Variants in RRAS2 observed in about 807,000 individuals in gnomAD.
RRAS2 encodes RAS related 2.
In RRAS2, 7 loss-of-function variants were observed where a neutral mutation model predicts 27.6. That is an observed-to-expected ratio of 0.25 (90% CI 0.14 to 0.48). RRAS2 has a LOEUF of 0.48. RRAS2 is among the 20% of genes least tolerant of loss of function. RRAS2 has a pLI of 0.99. For missense variants in RRAS2, 178 were observed against 256.2 expected, an observed-to-expected ratio of 0.69 and a Z score of 2.08; for synonymous variants, 86 against 90.9, an observed-to-expected ratio of 0.95 and a Z score of 0.31.
At chr11:14,284,665 T>C (rs551168083) in intron 4 of RRAS2, among the ~76,000 whole-genome samples, 2 of 152,324 alleles carry the variant, frequency 1.3e-5, no homozygotes, top group African/African-American at 4.8e-5. Context: ...TTCAAGATTT[T>C]TGAAGCTATT....
At chr11:14,338,273 C>T (rs1554952801) in intron 1 of RRAS2, among the ~76,000 whole-genome samples, 1 of 152,064 alleles carries the variant, frequency 6.6e-6, no homozygotes, top group Non-Finnish European at 1.5e-5. Flanking sequence ...GAAATTAAGG[C>T]TCAGAGTTGC....
chr11:14,325,121 T>C (rs925345575), intron 1 of RRAS2, among the ~76,000 whole-genome samples: 32 of 152,270 alleles, frequency 2.1e-4, no homozygotes, highest in African/African-American at 7.7e-4. Flanking sequence ...ATATAAACAC[T>C]TACTGCATGT....
intron 2 of RRAS2, 58 bp downstream of exon 2, chr11:14,295,710 C>T (rs111309895): frequency 6.0e-5 from 77 of 1,290,496 alleles, no homozygotes; most frequent in African/African-American, 3.1e-4. Flanking sequence ...AAAACATCAG[C>T]GCTTACTTTT....
At chr11:14,336,229 TAACAAGGC>T (rs1848587309) in intron 1 of RRAS2, among the ~76,000 whole-genome samples, 6 of 152,212 alleles carry the variant, frequency 3.9e-5, no homozygotes, top group Middle Eastern at 3.4e-3. Flanking sequence ...CACCTCACAG[TAACAAGGC>T]AGCACTTCCC....
intron 5 of RRAS2, among the ~76,000 whole-genome samples, 186 bp from the exon 6 acceptor site, chr11:14,279,610 G>A (rs1564950780): frequency 6.6e-6 from 1 of 152,114 alleles, no homozygotes; most frequent in Non-Finnish European, 1.5e-5. Context: ...ACCAGCACAA[G>A]CAGAGCTATG....
chr11:14,316,376 G>T (rs1256659681), intron 1 of RRAS2, among the ~76,000 whole-genome samples: 1 of 152,210 alleles, frequency 6.6e-6, no homozygotes, highest in Non-Finnish European at 1.5e-5. Flanking sequence ...AGTAGGAATA[G>T]CATTTAACTA....
rs543550319 is a variant in RRAS2, at chr11:14,359,082, C to T, written c.-212G>A. ...CCCGAGGCGCGGAGAAGCGGGGTGA[C>T]GGCACGGGCCAGGGGCGGCAGCGGC... On this transcript the variant is annotated 5_prime_UTR_variant, in exon 1 of 6. Coordinates refer to ENST00000256196, the MANE Select transcript of RRAS2 (RefSeq NM_012250.6). 5.2e-4 allele frequency: 563 copies of T among 1,083,662 alleles called. 1 individual carries two copies. Among genetic ancestry groups the T allele is most frequent in the Middle Eastern group, 4.1e-3 (10 of 2,426 alleles). 67.1% of individuals were successfully genotyped at this position (1,083,662 alleles called of 1,614,324 possible). A position where few individuals can be genotyped will look rare whatever the true frequency, so the allele number is the denominator to read the frequency against.
chr11:14,324,427 CAAAA>C (rs77185501), intron 1 of RRAS2, among the ~76,000 whole-genome samples: 13 of 90,482 alleles, frequency 1.4e-4, no homozygotes, highest in South Asian at 7.0e-4. Context: ...AAACAGAGGC[CAAAA>C]AAAAAAAAAA....
chr11:14,353,946 T>TA (rs1324308893), intron 1 of RRAS2, among the ~76,000 whole-genome samples: 3 of 152,190 alleles, frequency 2.0e-5, no homozygotes, highest in African/African-American at 7.2e-5. Context: ...ACATTAATGT[T>TA]AAAAAAGTTT....
In RRAS2 at chr11:14,285,702, G is replaced by A. The variant is rs558954731; in HGVS notation, c.409-3982C>T. Among the ~76,000 whole-genome samples the A allele has an allele frequency of 1.1e-3, 168 of 152,188 alleles. 1 individual carries two copies. The highest frequency in any genetic ancestry group is 3.9e-3 in the African/African-American group (160 of 41,522). On this transcript the variant is annotated intron_variant, in intron 4 of 5. Transcript: ENST00000256196. ...CATTTCTGAAATAAATTTTTAGTAG[G>A]TAATGAATCCTAGTTGATAGTTTTT...
chr11:14,304,610 G>T (rs1847791941), intron 1 of RRAS2, among the ~76,000 whole-genome samples: 1 of 152,326 alleles, frequency 6.6e-6, no homozygotes, highest in Admixed American at 6.5e-5. Context: ...AAACTTTCCT[G>T]AAGCTAAGTA....
chr11:14,313,999 A>AAC (rs1848037224), intron 1 of RRAS2, among the ~76,000 whole-genome samples: 2 of 152,218 alleles, frequency 1.3e-5, no homozygotes, highest in South Asian at 4.1e-4. Context: ...TATGTTATAA[A>AAC]ACAACACATC....
At chr11:14,327,331 T>C (rs782763326) in intron 1 of RRAS2, among the ~76,000 whole-genome samples, 5 of 152,158 alleles carry the variant, frequency 3.3e-5, no homozygotes, top group Non-Finnish European at 7.3e-5. Flanking sequence ...AAACAAGTAC[T>C]ATAACCACCA....
intron 1 of RRAS2, among the ~76,000 whole-genome samples, chr11:14,333,337 G>A (rs976608862): frequency 5.9e-5 from 9 of 152,086 alleles, no homozygotes; most frequent in Admixed American, 1.3e-4. Flanking sequence ...AGGAAAAGGC[G>A]AGGCTATTGA....
chr11:14,332,108 A>C (rs1848491846), intron 1 of RRAS2, among the ~76,000 whole-genome samples: 1 of 152,178 alleles, frequency 6.6e-6, no homozygotes, highest in Non-Finnish European at 1.5e-5. Flanking sequence ...TTTTATAAGA[A>C]ACCACCTGTT....
chr11:14,326,032 A>G (rs1848349294), intron 1 of RRAS2, among the ~76,000 whole-genome samples: 1 of 152,248 alleles, frequency 6.6e-6, no homozygotes, highest in South Asian at 2.1e-4. Context: ...TTTTAAGAAT[A>G]TTACAGAATA....
intron 1 of RRAS2, among the ~76,000 whole-genome samples, 187 bp from the exon 2 acceptor site, chr11:14,296,042 A>C (rs1564958861): frequency 6.6e-6 from 1 of 151,930 alleles, no homozygotes; most frequent in East Asian, 1.9e-4. Flanking sequence ...AAATTAGCCG[A>C]CGTGGTGTGT....
In RRAS2 at chr11:14,344,983, C is replaced by CTTTTTTTTTTTTTTTTTTTTTTTT. The variant is rs782306600; in HGVS notation, c.108+13779_108+13780insAAAAAAAAAAAAAAAAAAAAAAAA. 5.1e-5 allele frequency among the ~76,000 whole-genome samples: 4 copies of CTTTTTTTTTTTTTTTTTTTTTTTT among 78,982 alleles called. 2 individuals are homozygous for CTTTTTTTTTTTTTTTTTTTTTTTT. Among genetic ancestry groups the CTTTTTTTTTTTTTTTTTTTTTTTT allele is most frequent in the Non-Finnish European group, 9.7e-5 (4 of 41,404 alleles). The allele number at this position is 78,982 out of a possible 152,430, so 51.8% of individuals were successfully genotyped here. On this transcript the variant is annotated intron_variant, in intron 1 of 5. Coordinates refer to ENST00000256196, the MANE Select transcript of RRAS2 (RefSeq NM_012250.6). ...TTTATTTCCTGTGCCCTACTCAAGA[C>CTTTTTTTTTTTTTTTTTTTTTTTT]TTTATTTTTTTTTTTTTTTTTTTTG... is the stretch of plus-strand genomic sequence containing the variant.
chr11:14,350,389 G>C (rs1848924385), intron 1 of RRAS2, among the ~76,000 whole-genome samples: 1 of 152,058 alleles, frequency 6.6e-6, no homozygotes, highest in Non-Finnish European at 1.5e-5. Flanking sequence ...TTGTTAAAAA[G>C]AGCCTGGCGC....
Sources: allele counts gnomAD v4.1 joint callset (sites outside exome capture counted in the v4.1 genomes callset), GRCh38; gene constraint gnomAD v4.1.1; transcripts MANE v1.5; gene names NCBI Gene and HGNC (gene_info 2026-07-23, HGNC 2026-07-21).